The following MTUS2 variants were observed in gnomAD, a reference collection of about 807,000 sequenced individuals.
The protein encoded by MTUS2 is microtubule associated scaffold protein 2, also known as microtubule-associated tumor suppressor candidate 2.
Under a neutral mutation model 114.1 loss-of-function variants are expected in MTUS2, and 40 were observed. That is an observed-to-expected ratio of 0.35 (90% CI 0.27 to 0.46). The LOEUF (loss-of-function observed/expected upper bound fraction) is 0.46. MTUS2 is among the 20% of genes least tolerant of loss of function. MTUS2 has a pLI of 1.00. For synonymous variants in MTUS2, 688 were observed against 672.0 expected, an observed-to-expected ratio of 1.02 and a Z score of -0.37; for missense variants, 1,679 against 1,705.4, an observed-to-expected ratio of 0.98 and a Z score of 0.27.
chr13:29,468,549 C>T (rs1476080799), intron 9 of MTUS2, among the ~76,000 whole-genome samples: 1 of 152,018 alleles, frequency 6.6e-6, no homozygotes, highest in East Asian at 1.9e-4. Flanking sequence ...TCACTGCACT[C>T]CAGCCCCGGT....
chr13:29,238,705 C>A (rs919270186), intron 5 of MTUS2, among the ~76,000 whole-genome samples: 1 of 152,154 alleles, frequency 6.6e-6, no homozygotes, highest in Non-Finnish European at 1.5e-5. Flanking sequence ...TCCACTGATT[C>A]AAATGTTAAT....
chr13:29,417,420 G>A (rs1387621790), intron 8 of MTUS2, among the ~76,000 whole-genome samples: 1 of 152,140 alleles, frequency 6.6e-6, no homozygotes, highest in Non-Finnish European at 1.5e-5. Flanking sequence ...TTTCTTTTCA[G>A]ATAGTCTAAT....
At chr13:29,047,467 G>GT (rs1274047852) in intron 4 of MTUS2, among the ~76,000 whole-genome samples, 3 of 148,532 alleles carry the variant, frequency 2.0e-5, no homozygotes, top group East Asian at 2.0e-4. Flanking sequence ...CTTATTGAGT[G>GT]TTTTTTATTA....
intron 4 of MTUS2, among the ~76,000 whole-genome samples, chr13:29,038,286 C>G (rs1487090330): frequency 6.6e-6 from 1 of 152,214 alleles, no homozygotes; most frequent in African/African-American, 2.4e-5. Flanking sequence ...TTCCTTTTAT[C>G]AGTCAGGCTC....
intron 5 of MTUS2, among the ~76,000 whole-genome samples, chr13:29,248,335 T>C (rs1896999234): frequency 6.6e-6 from 1 of 152,032 alleles, no homozygotes; most frequent in Non-Finnish European, 1.5e-5. Context: ...GTCTTGGAAA[T>C]CACCACTAAA....
intron 6 of MTUS2, among the ~76,000 whole-genome samples, chr13:29,302,282 A>G (rs994557128): frequency 2.0e-5 from 3 of 152,160 alleles, no homozygotes; most frequent in African/African-American, 7.2e-5. Flanking sequence ...CCCCCAGCCA[A>G]GGGAACCAGT....
At chr13:29,163,723 T>A (rs554788822) in intron 5 of MTUS2, among the ~76,000 whole-genome samples, 49 of 152,272 alleles carry the variant, frequency 3.2e-4, no homozygotes, top group African/African-American at 1.2e-3. Flanking sequence ...TCCAGGGCAC[T>A]CCTGAGCGAG....
chr13:29,247,042 A>G (rs1368288362), intron 5 of MTUS2, among the ~76,000 whole-genome samples: 1 of 152,174 alleles, frequency 6.6e-6, no homozygotes, highest in African/African-American at 2.4e-5. Context: ...CACCAAAACA[A>G]CATGGTACTG....
chr13:28,923,584 G>T lies in MTUS2; in HGVS notation c.-243+83734G>T, dbSNP rs112093516. Among the ~76,000 whole-genome samples, 1,513 of 152,280 alleles carry T rather than the reference G, an allele frequency of 9.9e-3. 26 individuals carry two copies. The highest frequency in any genetic ancestry group is 0.034 in the African/African-American group (1,430 of 41,552). On this transcript the variant is annotated intron_variant, in intron 2 of 15. Transcript: ENST00000612955. ...GAAGTAGCTTCCCACAGGCCAGGAC[G>T]CCTTGCCCCTCTAGACGGGGAAGAC...
chr13:28,882,110 A>G (rs1338520062), intron 2 of MTUS2, among the ~76,000 whole-genome samples: 1 of 151,766 alleles, frequency 6.6e-6, no homozygotes, highest in Non-Finnish European at 1.5e-5. Context: ...CCCAGGCTGG[A>G]GTGCGGCAGC....
intron 2 of MTUS2, among the ~76,000 whole-genome samples, chr13:28,944,406 AG>A (rs1261262781): frequency 5.3e-5 from 8 of 152,112 alleles, no homozygotes. Flanking sequence ...AAATGGTGTC[AG>A]GGTAACTTCT....
Position 29,389,443 on chromosome 13 carries a change from GTATGTATACACGTGTGTGTATGTGTA to G in MTUS2, c.3117+30000_3117+30025del, listed in dbSNP as rs1566173076. On this transcript the variant is annotated intron_variant, in intron 8 of 15. Transcript: ENST00000612955. ...TGTATGTATACACGTGTGTGTATGT[GTATGTATACACGTGTGTGTATGTGTA>G]TATGTATACACGTGTGTGTATGTGT... Among the ~76,000 whole-genome samples, 229 of 81,172 alleles carry G rather than the reference GTATGTATACACGTGTGTGTATGTGTA, an allele frequency of 2.8e-3. 3 individuals are homozygous for G. Among genetic ancestry groups the G allele is most frequent in the Middle Eastern group, 0.016 (2 of 126 alleles). The allele number at this position is 81,172 out of a possible 152,430, so 53.3% of individuals were successfully genotyped here.
At chr13:29,412,683 A>G (rs150890680) in intron 8 of MTUS2, among the ~76,000 whole-genome samples, 1 of 152,224 alleles carries the variant, frequency 6.6e-6, no homozygotes, top group East Asian at 1.9e-4. Context: ...TGAGCATAGG[A>G]GTTCGAGACC....
At position 28,951,160 on chromosome 13, in the gene MTUS2, TC is replaced by T. The variant is rs371144969; in HGVS notation, c.-242-73296del. 2.4e-4 allele frequency among the ~76,000 whole-genome samples: 36 copies of T among 152,278 alleles called. No individual in the cohort carries two copies. The East Asian group carries it at 6.4e-3, about 27-fold the overall frequency. ...TTTCTGTACACTAATAATGAACATT[TC>T]AAAATAAGAAAATTCCATTTACAAT... On this transcript the variant is annotated intron_variant, in intron 2 of 15. Coordinates refer to ENST00000612955, the MANE Select transcript of MTUS2 (RefSeq NM_001033602.4).
Position 29,107,007 on chromosome 13 carries a change from C to G in MTUS2, c.2644+6037C>G, listed in dbSNP as rs548752258. ...CTATGAGGGCTTTGTGCTTTCCTGCCTTTTGGTTTTGATTTAAACCATTCA... is the reference window on the plus strand; with the variant it reads ...CTATGAGGGCTTTGTGCTTTCCTGCGTTTTGGTTTTGATTTAAACCATTCA... On this transcript the variant is annotated intron_variant, in intron 5 of 15. Coordinates refer to ENST00000612955, the MANE Select transcript of MTUS2 (RefSeq NM_001033602.4). Among the ~76,000 whole-genome samples the G allele has an allele frequency of 6.6e-5, 10 of 152,174 alleles. No individual in the cohort carries two copies. The South Asian group carries it at 2.1e-3, about 32-fold the overall frequency.
At chr13:29,065,175 T>C (rs1888608641) in intron 4 of MTUS2, among the ~76,000 whole-genome samples, 1 of 152,230 alleles carries the variant, frequency 6.6e-6, no homozygotes, top group South Asian at 2.1e-4. Context: ...ATGGTAGTTC[T>C]GATTTTAGCT....
chr13:28,991,367 A>G (rs1277571223), intron 2 of MTUS2, among the ~76,000 whole-genome samples: 1 of 125,480 alleles, frequency 8.0e-6, no homozygotes, highest in Non-Finnish European at 1.7e-5. Flanking sequence ...TGTCTCTTCA[A>G]TTTTTTTTTT....
chr13:28,900,365 C>T (rs1879573243), intron 2 of MTUS2, among the ~76,000 whole-genome samples: 1 of 152,150 alleles, frequency 6.6e-6, no homozygotes, highest in African/African-American at 2.4e-5. Flanking sequence ...ATCACTACCA[C>T]AGGCGAGATT....
At chr13:28,835,152 T>A (rs575706468) in intron 1 of MTUS2, among the ~76,000 whole-genome samples, 4 of 152,170 alleles carry the variant, frequency 2.6e-5, no homozygotes, top group Non-Finnish European at 5.9e-5. Flanking sequence ...ACCCAGAAAC[T>A]CTCTTCCTAA....
Sources: gnomAD v4.1 joint callset for allele counts (sites outside exome capture counted in the v4.1 genomes callset) on GRCh38, gnomAD v4.1.1 for gene constraint, MANE v1.5 for transcripts, NCBI Gene and HGNC (gene_info 2026-07-23, HGNC 2026-07-21) for gene names.